The following PKHD1L1 variants were observed in gnomAD, a reference collection of about 807,000 sequenced individuals.
The protein encoded by PKHD1L1 is PKHD1 like 1.
A neutral mutation model predicts 462.9 loss-of-function variants in PKHD1L1; 434 were observed. That is an observed-to-expected ratio of 0.94 (90% CI 0.87 to 1.02). The LOEUF (loss-of-function observed/expected upper bound fraction) is 1.02, where lower values mean the gene tolerates loss of function less well. Among genes scored for constraint, PKHD1L1 ranks in the 50% least tolerant of loss-of-function variants. PKHD1L1 has a pLI of 0.00. For missense variants in PKHD1L1, 5,202 were observed against 5,096.1 expected, an observed-to-expected ratio of 1.02 and a Z score of -0.63; for synonymous variants, 1,781 against 1,750.0, an observed-to-expected ratio of 1.02 and a Z score of -0.44.
chr8:109,395,107 C>A (rs1331918709), intron 10 of PKHD1L1, among the ~76,000 whole-genome samples: 9 of 152,136 alleles, frequency 5.9e-5, no homozygotes, highest in African/African-American at 2.2e-4. Flanking sequence ...GGGAAAAGAT[C>A]AAAATTCTAA....
intron 9 of PKHD1L1, among the ~76,000 whole-genome samples, chr8:109,393,673 C>T (rs1812814201): frequency 1.3e-5 from 2 of 152,082 alleles, no homozygotes; most frequent in Non-Finnish European, 2.9e-5. Flanking sequence ...ACTGTGCGAT[C>T]TTAAGTTAAT....
chr8:109,467,772 G>A (rs1817526562), intron 50 of PKHD1L1, among the ~76,000 whole-genome samples: 1 of 152,084 alleles, frequency 6.6e-6, no homozygotes, highest in Admixed American at 6.6e-5. Flanking sequence ...TCAAAGATTT[G>A]CTAAACAAAA....
At chr8:109,406,980 G>A (rs1404873390) in intron 17 of PKHD1L1, among the ~76,000 whole-genome samples, 1 of 151,810 alleles carries the variant, frequency 6.6e-6, no homozygotes, top group Non-Finnish European at 1.5e-5. Flanking sequence ...TAATGCAAAC[G>A]TATTTTATAT....
chr8:109,382,689 T>C (rs1473148248), intron 4 of PKHD1L1, 118 bp downstream of exon 4: 1 of 596,124 alleles, frequency 1.7e-6, no homozygotes, highest in Non-Finnish European at 2.7e-6. Flanking sequence ...TACATTAGCA[T>C]GTAACAAAGG....
Position 109,465,059 on chromosome 8 carries a change from T to C in PKHD1L1, c.8227T>C (p.Phe2743Leu). Residue 2743 changes from phenylalanine (F) to leucine (L), a missense_variant, in exon 49 of 78, where the codon TTT becomes CTT. By Grantham distance (22) the Phe-to-Leu change is conservative (BLOSUM62 0). This residue lies in a region of PKHD1L1 where 4,497 missense variants were observed against 4,336.8 expected (regional missense o/e 1.04). Transcript: ENST00000378402. ...SEGLTVSSVHFMNFDRPNCVA... is the reference protein window; with the variant it reads ...SEGLTVSSVHLMNFDRPNCVA... ...AGGCTTGACTGTCTCTTCTGTGCAC[T>C]TTATGAACTTTGACCGTCCCAACTG... The C allele has an allele frequency of 2.5e-6, 4 of 1,613,844 alleles. No homozygotes were observed. The South Asian group carries it at 4.4e-5, about 18-fold the overall frequency.
chr8:109,525,456 G>T (rs1174158559), intron 76 of PKHD1L1, among the ~76,000 whole-genome samples: 1 of 152,188 alleles, frequency 6.6e-6, no homozygotes, highest in Non-Finnish European at 1.5e-5. Context: ...TCACAATTGT[G>T]TGTGTCAGAA....
chr8:109,428,342 C>T (rs866736793), intron 25 of PKHD1L1, among the ~76,000 whole-genome samples: 10 of 152,140 alleles, frequency 6.6e-5, no homozygotes, highest in African/African-American at 2.4e-4. Flanking sequence ...ACATTGAACA[C>T]CATGCAGCCA....
chr8:109,388,683 A>T (rs1476265375), intron 7 of PKHD1L1, 133 bp downstream of exon 7: 14 of 662,844 alleles, frequency 2.1e-5, no homozygotes, highest in Non-Finnish European at 3.6e-5. Context: ...TATTCCACAT[A>T]GCGCATTAGC....
In PKHD1L1 at chr8:109,493,699, A is replaced by G. The variant is rs200940300; in HGVS notation, c.10275A>G (p.Val3425=). ...RGTNTVLQNN[V]VAGFGRAGYR... ...CCAATACAGTTTTACAGAATAATGT[A>G]GTGGCTGGATTTGGAAGAGCAGGAT... The change falls in exon 63 of 78, where the codon GTA becomes GTG. Residue 3425 remains valine (V), a synonymous_variant. Coordinates refer to ENST00000378402, the MANE Select transcript of PKHD1L1 (RefSeq NM_177531.6). The G allele has an allele frequency of 2.2e-4, 347 of 1,610,216 alleles. 4 individuals are homozygous for G. The African/African-American group carries it at 4.2e-3, about 19-fold the overall frequency.
At chr8:109,368,307 T>C (rs1007930421) in intron 2 of PKHD1L1, among the ~76,000 whole-genome samples, 3 of 152,254 alleles carry the variant, frequency 2.0e-5, no homozygotes, top group Non-Finnish European at 4.4e-5. Context: ...AGAAAGCATA[T>C]GGACTTTGGT....
At chr8:109,515,027 A>C (rs1159793091) in intron 71 of PKHD1L1, 143 bp from the exon 72 acceptor site, 1 of 577,270 alleles carries the variant, frequency 1.7e-6, no homozygotes, top group African/African-American at 1.9e-5. Flanking sequence ...CCATTTTAAA[A>C]TTTTAGTTCA....
chr8:109,493,633 C>G, intron 62 of PKHD1L1, 28 bp from the exon 63 acceptor site: 2 of 1,422,620 alleles, frequency 1.4e-6, no homozygotes, highest in Non-Finnish European at 2.0e-6. Flanking sequence ...GCCTGATGCA[C>G]AGTATTTTTT....
Position 109,452,238 on chromosome 8 carries a change from T to C in PKHD1L1, c.6465T>C (p.Ala2155=). The C allele has an allele frequency of 3.7e-6, 6 of 1,611,270 alleles. No individual in the cohort carries two copies. Among genetic ancestry groups the C allele is most frequent in the Non-Finnish European group, 5.1e-6 (6 of 1,178,476 alleles). The change falls in exon 42 of 78, where the codon GCT becomes GCC. Residue 2155 remains alanine, a synonymous_variant. Transcript: ENST00000378402. ...MTDAHTLSGW[A]PVCVHIRGVG... ...ATGCCCATACTCTATCAGGGTGGGCTCCAGTTTGTGTCCACATCAGAGGTG... is the reference window on the plus strand; with the variant it reads ...ATGCCCATACTCTATCAGGGTGGGCCCCAGTTTGTGTCCACATCAGAGGTG...
intron 39 of PKHD1L1, among the ~76,000 whole-genome samples, 159 bp downstream of exon 39, chr8:109,448,550 C>T (rs139813419): frequency 3.4e-5 from 5 of 149,014 alleles, no homozygotes; most frequent in African/African-American, 1.2e-4. Context: ...CTCGCTCGGT[C>T]GCCCAGGCTG....
intron 21 of PKHD1L1, among the ~76,000 whole-genome samples, chr8:109,415,865 GTGTGTGT>G (rs1563752357): frequency 2.9e-5 from 1 of 34,774 alleles, no homozygotes; most frequent in African/African-American, 1.8e-4. Context: ...AAAAAAAGGG[GTGTGTGT>G]GTGTGTGTGT....
chr8:109,444,124 C>CAA (rs928747207), intron 37 of PKHD1L1, among the ~76,000 whole-genome samples: 6 of 151,180 alleles, frequency 4.0e-5, no homozygotes, highest in African/African-American at 1.5e-4. Context: ...CTCCCCCCCC[C>CAA]AAAAAAAACC....
At chr8:109,372,528 C>T (rs1811568405) in intron 2 of PKHD1L1, among the ~76,000 whole-genome samples, 1 of 152,204 alleles carries the variant, frequency 6.6e-6, no homozygotes, top group African/African-American at 2.4e-5. Flanking sequence ...CTGGCCAGAA[C>T]TTCCAACACT....
At chr8:109,465,299 A>C in intron 49 of PKHD1L1, 54 bp downstream of exon 49, 1 of 1,543,860 alleles carries the variant, frequency 6.5e-7, no homozygotes, top group South Asian at 1.3e-5. Flanking sequence ...TGTTTGTGTT[A>C]GCACAGAATT....
At chr8:109,495,089 C>T (rs1819021404) in intron 63 of PKHD1L1, among the ~76,000 whole-genome samples, 1 of 151,798 alleles carries the variant, frequency 6.6e-6, no homozygotes, top group Non-Finnish European at 1.5e-5. Context: ...TTCTTTGAAT[C>T]AGCATTTTTT....
Sources: gnomAD v4.1 joint callset for allele counts (sites outside exome capture counted in the v4.1 genomes callset) on GRCh38, gnomAD v4.1.1 for gene constraint, gnomAD v4.1.1 regional missense constraint, MANE v1.5 for transcripts, NCBI Gene and HGNC (gene_info 2026-07-23, HGNC 2026-07-21) for gene names.